LUZP2: variants seen among roughly 807,000 people sequenced by gnomAD.
The protein encoded by LUZP2 is leucine zipper protein 2.
A neutral mutation model predicts 51.6 loss-of-function variants in LUZP2; 52 were observed. The observed-to-expected ratio is 1.01, with a 90% CI of 0.81 to 1.27. The LOEUF (loss-of-function observed/expected upper bound fraction) is 1.27. Among genes scored for constraint, LUZP2 ranks in the 50% most tolerant of loss-of-function variants. LUZP2 has a pLI of 0.00. For missense variants in LUZP2, 436 were observed against 395.4 expected (o/e 1.10, Z -0.87); for synonymous variants, 154 against 137.3 (o/e 1.12, Z -0.85).
intron 5 of LUZP2, among the ~76,000 whole-genome samples, chr11:24,867,762 G>C (rs1851942804): frequency 6.6e-6 from 1 of 152,136 alleles, no homozygotes; most frequent in African/African-American, 2.4e-5. Flanking sequence ...CACTTAGAGG[G>C]AGGAAAGGCA....
At chr11:24,685,988 C>A (rs1199115322) in intron 1 of LUZP2, among the ~76,000 whole-genome samples, 1 of 152,108 alleles carries the variant, frequency 6.6e-6, no homozygotes, top group Non-Finnish European at 1.5e-5. Flanking sequence ...TGAGGAGTAT[C>A]ATGCTTGATT....
chr11:24,826,407 C>T (rs1244913676), intron 5 of LUZP2, among the ~76,000 whole-genome samples: 1 of 151,536 alleles, frequency 6.6e-6, no homozygotes, highest in African/African-American at 2.4e-5. Flanking sequence ...GATTACACTA[C>T]TCCTATTTTA....
intron 5 of LUZP2, among the ~76,000 whole-genome samples, chr11:24,856,054 T>A (rs1365679265): frequency 6.6e-6 from 1 of 151,954 alleles, no homozygotes; most frequent in Non-Finnish European, 1.5e-5. Flanking sequence ...AGCAAATAAT[T>A]CATGACTAAG....
rs528956888 is a variant in LUZP2 at position 24,783,606 on chromosome 11, T to C, written c.396+20298T>C. On this transcript the variant is annotated intron_variant, in intron 5 of 11. Transcript: ENST00000336930. ...ATGCATTTTAAATTATTTTATTTCA[T>C]ACATGAATCTGCAACCTTCAACTTC... is the stretch of plus-strand genomic sequence containing the variant. Among the ~76,000 whole-genome samples, 9 of 152,134 alleles carry C rather than the reference T, an allele frequency of 5.9e-5. No individual in the cohort carries two copies. The South Asian group carries it at 1.9e-3, about 32-fold the overall frequency.
Position 24,656,411 on chromosome 11 carries a change from G to A in LUZP2, c.63-72758G>A, listed in dbSNP as rs893728951. ...GATAGAGGCTTGGTTACCTAAGCCCGTATGGATTATTGTATCGGTTTTCTA... is the reference window on the plus strand; with the variant it reads ...GATAGAGGCTTGGTTACCTAAGCCCATATGGATTATTGTATCGGTTTTCTA... On this transcript the variant is annotated intron_variant, in intron 1 of 11. Transcript: ENST00000336930. Among the ~76,000 whole-genome samples, 20 of 152,254 alleles carry A rather than the reference G, an allele frequency of 1.3e-4. No homozygotes were observed. The East Asian group carries it at 2.7e-3, about 21-fold the overall frequency.
intron 1 of LUZP2, among the ~76,000 whole-genome samples, chr11:24,574,095 C>T (rs1852527690): frequency 6.6e-6 from 1 of 151,094 alleles, no homozygotes. Context: ...TTTCCTTCCT[C>T]CCTCCTTTGT....
chr11:24,729,226 C>G lies in LUZP2; in HGVS notation c.120C>G (p.Thr40=), dbSNP rs989826706. 1 of 1,577,764 alleles carries G rather than the reference C, an allele frequency of 6.3e-7. No homozygotes were observed. The highest frequency in any genetic ancestry group is 8.7e-7 in the Non-Finnish European group (1 of 1,155,624). Residue 40 remains threonine (T), a synonymous_variant, in exon 2 of 12, where the codon ACC becomes ACG. Coordinates refer to ENST00000336930, the MANE Select transcript of LUZP2 (RefSeq NM_001009909.4). ...AAGAAGTCTTTAAGGAGCGAAGCAC[C>G]ATTCTTCGTCAGCTGACAAAGACAT... The part of the protein sequence containing the change: ...QLKEVFKERS[T]ILRQLTKTSR...
intron 1 of LUZP2, among the ~76,000 whole-genome samples, chr11:24,713,063 A>G (rs1046042746): frequency 4.6e-5 from 7 of 152,146 alleles, no homozygotes; most frequent in African/African-American, 1.7e-4. Context: ...CACATCTACA[A>G]TGTCTCTGGG....
intron 5 of LUZP2, among the ~76,000 whole-genome samples, chr11:24,876,437 G>A (rs1374531923): frequency 6.8e-6 from 1 of 147,622 alleles, no homozygotes; most frequent in Non-Finnish European, 1.5e-5. Flanking sequence ...TGAGGGCTCT[G>A]CTCTGTTCCA....
intron 7 of LUZP2, among the ~76,000 whole-genome samples, chr11:24,972,138 C>CG (rs1196948958): frequency 5.3e-4 from 2 of 3,748 alleles, no homozygotes; most frequent in African/African-American, 5.9e-4. Flanking sequence ...AGTGAGACTC[C>CG]GAAAAAAAAA....
chr11:24,808,578 T>G (rs1410839911), intron 5 of LUZP2, among the ~76,000 whole-genome samples: 1 of 152,168 alleles, frequency 6.6e-6, no homozygotes, highest in East Asian at 1.9e-4. Context: ...ATACTTTGAT[T>G]TATTTAAATT....
At chr11:24,956,609 G>A (rs745901227) in intron 7 of LUZP2, among the ~76,000 whole-genome samples, 14 of 152,038 alleles carry the variant, frequency 9.2e-5, no homozygotes, top group Non-Finnish European at 1.8e-4. Flanking sequence ...TTCTGTTCAC[G>A]GAAAACATGC....
intron 5 of LUZP2, among the ~76,000 whole-genome samples, chr11:24,797,169 G>T (rs535460965): frequency 6.6e-6 from 1 of 152,246 alleles, no homozygotes; most frequent in Admixed American, 6.5e-5. Context: ...AAGATAATAA[G>T]AACTGAATAA....
chr11:24,897,563 T>G (rs1590703701), intron 5 of LUZP2, among the ~76,000 whole-genome samples: 1 of 152,098 alleles, frequency 6.6e-6, no homozygotes, highest in East Asian at 1.9e-4. Flanking sequence ...GCAGTTTCAC[T>G]CCTGAAGCCA....
chr11:24,837,551 T>C (rs556134214), intron 5 of LUZP2, among the ~76,000 whole-genome samples: 4 of 151,826 alleles, frequency 2.6e-5, no homozygotes, highest in African/African-American at 9.6e-5. Flanking sequence ...TTAAAATAAC[T>C]TGTGGAAGAG....
At chr11:24,970,199 C>T (rs1054264640) in intron 7 of LUZP2, among the ~76,000 whole-genome samples, 4 of 152,144 alleles carry the variant, frequency 2.6e-5, no homozygotes, top group Admixed American at 6.5e-5. Flanking sequence ...ACAAAATTTT[C>T]AGCTCAGCCA....
At chr11:24,666,390 A>G (rs1856213270) in intron 1 of LUZP2, among the ~76,000 whole-genome samples, 1 of 152,306 alleles carries the variant, frequency 6.6e-6, no homozygotes, top group Middle Eastern at 3.4e-3. Flanking sequence ...AAAAATGAAA[A>G]TTGCCTGAAA....
At chr11:24,541,697 A>G (rs1477679471) in intron 1 of LUZP2, among the ~76,000 whole-genome samples, 1 of 152,092 alleles carries the variant, frequency 6.6e-6, no homozygotes, top group Non-Finnish European at 1.5e-5. Flanking sequence ...TATTAAGACT[A>G]AAAACAAAAC....
intron 5 of LUZP2, among the ~76,000 whole-genome samples, chr11:24,789,052 A>G (rs1389855494): frequency 6.6e-6 from 1 of 152,186 alleles, no homozygotes; most frequent in African/African-American, 2.4e-5. Flanking sequence ...TTATTTCATC[A>G]AGAAAACAGA....
Sources: gnomAD v4.1 joint callset for allele counts (sites outside exome capture counted in the v4.1 genomes callset) on GRCh38, gnomAD v4.1.1 for gene constraint, MANE v1.5 for transcripts, NCBI Gene and HGNC (gene_info 2026-07-23, HGNC 2026-07-21) for gene names.